Variants in DPYS observed in about 807,000 individuals in gnomAD.
DPYS encodes dihydropyrimidinase, also known as dihydropyrimidine amidohydrolase.
DPYS carries 39 observed loss-of-function variants against 50.3 expected under a neutral mutation model. The ratio of observed to expected loss-of-function variants is 0.78; its 90% CI spans 0.60 to 1.01. The LOEUF (loss-of-function observed/expected upper bound fraction) is 1.01, where lower values mean the gene tolerates loss of function less well. Among genes scored for constraint, DPYS ranks in the 50% least tolerant of loss-of-function variants. DPYS has a pLI of 0.00. For synonymous variants in DPYS, 245 were observed against 250.7 expected, an observed-to-expected ratio of 0.98 and a Z score of 0.22; for missense variants, 659 against 680.9, an observed-to-expected ratio of 0.97 and a Z score of 0.36.
chr8:104,443,126 T>C (rs1470081927), intron 4 of DPYS, among the ~76,000 whole-genome samples: 1 of 152,200 alleles, frequency 6.6e-6, no homozygotes, highest in African/African-American at 2.4e-5. Context: ...GGTTGAATTA[T>C]AACACTGTCT....
chr8:104,382,087 C>T (rs1485609031), intron 8 of DPYS, among the ~76,000 whole-genome samples: 1 of 152,158 alleles, frequency 6.6e-6, no homozygotes, highest in Non-Finnish European at 1.5e-5. Context: ...GGGAAATAAA[C>T]CTATCTCTCA....
chr8:104,382,071 A>G (rs1015694293), intron 8 of DPYS, among the ~76,000 whole-genome samples: 15 of 152,222 alleles, frequency 9.9e-5, no homozygotes, highest in Non-Finnish European at 1.5e-4. Context: ...CTCATCCATG[A>G]AATGGGGGAA....
intron 3 of DPYS, 76 bp downstream of exon 3, chr8:104,447,248 A>G: frequency 6.5e-7 from 1 of 1,548,256 alleles, no homozygotes; most frequent in Non-Finnish European, 8.9e-7. Flanking sequence ...GAGTTTACCT[A>G]TGTAGGCCCA....
At chr8:104,428,585 C>A (rs1421327051) in intron 5 of DPYS, among the ~76,000 whole-genome samples, 1 of 152,228 alleles carries the variant, frequency 6.6e-6, no homozygotes, top group South Asian at 2.1e-4. Flanking sequence ...CAGTCCCTAG[C>A]CACACGGCCA....
chr8:104,451,479 G>A, intron 1 of DPYS, 75 bp from the exon 2 acceptor site: 1 of 1,586,508 alleles, frequency 6.3e-7, no homozygotes, highest in Non-Finnish European at 8.6e-7. Flanking sequence ...TGAACAATGT[G>A]CATTTGTAAG....
At chr8:104,465,341 C>T (rs1034730324) in intron 1 of DPYS, among the ~76,000 whole-genome samples, 22 of 152,136 alleles carry the variant, frequency 1.4e-4, no homozygotes, top group Non-Finnish European at 3.1e-4. Context: ...AGGAAGGAAG[C>T]CTACTATACA....
At chr8:104,431,277 G>T (rs188352209) in intron 4 of DPYS, among the ~76,000 whole-genome samples, 1 of 152,056 alleles carries the variant, frequency 6.6e-6, no homozygotes, top group Non-Finnish European at 1.5e-5. Flanking sequence ...AAAATTAAAA[G>T]TGTCAGCATC....
intron 4 of DPYS, among the ~76,000 whole-genome samples, chr8:104,441,589 C>T (rs903265669): frequency 2.4e-4 from 37 of 152,042 alleles, no homozygotes; most frequent in Admixed American, 1.0e-3. Flanking sequence ...TGGCTGGTGC[C>T]GAAGATGGAG....
chr8:104,423,457 C>T (rs1186780676), intron 7 of DPYS, among the ~76,000 whole-genome samples: 4 of 152,102 alleles, frequency 2.6e-5, no homozygotes, highest in African/African-American at 7.2e-5. Flanking sequence ...CAATATTAGC[C>T]CAAGAAACCG....
At chr8:104,416,415 T>C (rs1373922891) in intron 7 of DPYS, among the ~76,000 whole-genome samples, 2 of 152,178 alleles carry the variant, frequency 1.3e-5, no homozygotes, top group South Asian at 2.1e-4. Flanking sequence ...CCTGACACCA[T>C]GGTACAGCCC....
At chr8:104,393,183 T>C (rs73291225) in intron 7 of DPYS, among the ~76,000 whole-genome samples, 192 bp from the exon 8 acceptor site, 1,930 of 152,338 alleles carry the variant, frequency 0.013, 32 homozygotes, top group African/African-American at 0.042. Context: ...TACATTTTTC[T>C]GAGAGAAAAA....
At chr8:104,388,416 C>A (rs961298420) in intron 8 of DPYS, among the ~76,000 whole-genome samples, 2 of 152,188 alleles carry the variant, frequency 1.3e-5, no homozygotes, top group Admixed American at 1.3e-4. Context: ...AATGTCTGTA[C>A]TTTCACATTT....
chr8:104,427,942 G>A lies in DPYS; in HGVS notation c.1092+38C>T, dbSNP rs371343634. The stretch of plus-strand genomic sequence containing the variant: ...TCAAATGGGCAGGATCCTGGCTGAA[G>A]AACTAGGCAAAGCAAGGCTGGAACC... On this transcript the variant is annotated intron_variant, in intron 6 of 9. Coordinates refer to ENST00000351513, the MANE Select transcript of DPYS (RefSeq NM_001385.3). 6.0e-4 allele frequency: 974 copies of A among 1,613,152 alleles called. No individual in the cohort carries two copies. Among genetic ancestry groups the A allele is most frequent in the Non-Finnish European group, 6.8e-4 (805 of 1,179,884 alleles).
At chr8:104,382,316 T>C (rs959664192) in intron 8 of DPYS, among the ~76,000 whole-genome samples, 1 of 152,146 alleles carries the variant, frequency 6.6e-6, no homozygotes. Context: ...AGGCCAAGCC[T>C]CTGCTCACTT....
intron 4 of DPYS, among the ~76,000 whole-genome samples, chr8:104,443,052 T>G (rs2853175): frequency 0.62 from 94,176 of 152,058 alleles, 30,374 homozygotes; most frequent in Non-Finnish European, 0.72. Context: ...TGAGACCCAT[T>G]ATTTTTATAA....
chr8:104,446,358 A>G (rs1813529977), intron 3 of DPYS, among the ~76,000 whole-genome samples: 1 of 152,216 alleles, frequency 6.6e-6, no homozygotes, highest in Non-Finnish European at 1.5e-5. Context: ...ATTCAGACAA[A>G]CAAAATAAAA....
At chr8:104,438,239 T>A (rs1181539445) in intron 4 of DPYS, among the ~76,000 whole-genome samples, 2 of 152,148 alleles carry the variant, frequency 1.3e-5, no homozygotes, top group Non-Finnish European at 2.9e-5. Context: ...CAGATTCTCC[T>A]CCCACAAAGA....
At chr8:104,395,620 T>C (rs1350066460) in intron 7 of DPYS, among the ~76,000 whole-genome samples, 1 of 152,232 alleles carries the variant, frequency 6.6e-6, no homozygotes, top group African/African-American at 2.4e-5. Context: ...ATTTGTTTTG[T>C]GTATCAATAG....
chr8:104,399,273 A>T (rs1172269072), intron 7 of DPYS, among the ~76,000 whole-genome samples: 1 of 140,768 alleles, frequency 7.1e-6, no homozygotes, highest in Non-Finnish European at 1.5e-5. Flanking sequence ...CCTGGGCAAC[A>T]GAGTGAGACT....
Sources: gnomAD v4.1 joint callset for allele counts (sites outside exome capture counted in the v4.1 genomes callset) on GRCh38, gnomAD v4.1.1 for gene constraint, MANE v1.5 for transcripts, NCBI Gene and HGNC (gene_info 2026-07-23, HGNC 2026-07-21) for gene names.